PTPRD: variants seen among roughly 807,000 people sequenced by gnomAD.
PTPRD encodes the protein receptor-type tyrosine-protein phosphatase delta.
PTPRD carries 34 observed loss-of-function variants against 214.5 expected under a neutral mutation model. That is an observed-to-expected ratio of 0.16 (90% confidence interval 0.12 to 0.21). The LOEUF is 0.21. PTPRD is among the 10% of genes least tolerant of loss of function. PTPRD has a pLI of 1.00. For missense variants in PTPRD, 2,545 were observed against 2,398.7 expected (o/e 1.06, Z -1.27); for synonymous variants, 1,128 against 845.7 (o/e 1.33, Z -5.79).
At chr9:9,940,498 G>C (rs2091144291) in intron 4 of PTPRD, among the ~76,000 whole-genome samples, 1 of 152,114 alleles carries the variant, frequency 6.6e-6, no homozygotes, top group Non-Finnish European at 1.5e-5. Flanking sequence ...AATTAGATTT[G>C]AGTCCTATCT....
chr9:9,605,751 C>T (rs1022732282), intron 7 of PTPRD, among the ~76,000 whole-genome samples: 1 of 152,010 alleles, frequency 6.6e-6, no homozygotes, highest in African/African-American at 2.4e-5. Flanking sequence ...TTAAAATTTT[C>T]AGTTGTTACA....
At chr9:9,047,182 C>G (rs1456042638) in intron 10 of PTPRD, among the ~76,000 whole-genome samples, 1 of 151,754 alleles carries the variant, frequency 6.6e-6, no homozygotes, top group Non-Finnish European at 1.5e-5. Context: ...AATTAAATAC[C>G]TAGGAATTAA....
At chr9:9,890,661 G>A (rs2072984377) in intron 5 of PTPRD, among the ~76,000 whole-genome samples, 2 of 152,046 alleles carry the variant, frequency 1.3e-5, no homozygotes, top group African/African-American at 4.8e-5. Flanking sequence ...CCAAAACAAT[G>A]TTGCAGAACT....
intron 5 of PTPRD, among the ~76,000 whole-genome samples, chr9:9,919,517 A>C (rs1211127175): frequency 6.6e-6 from 1 of 152,148 alleles, no homozygotes; most frequent in Non-Finnish European, 1.5e-5. Context: ...TAATTATTCA[A>C]ATGAAGTACA....
chr9:10,474,924 C>A (rs780364589), intron 2 of PTPRD, among the ~76,000 whole-genome samples: 11 of 152,072 alleles, frequency 7.2e-5, no homozygotes, highest in Non-Finnish European at 1.2e-4. Context: ...TAATGAAATT[C>A]TTTGAAAGCA....
At chr9:9,403,413 C>CTCTCTTTT (rs1555360173) in intron 8 of PTPRD, among the ~76,000 whole-genome samples, 1 of 30,850 alleles carries the variant, frequency 3.2e-5, no homozygotes, top group South Asian at 9.5e-4. Flanking sequence ...TATATTTTCT[C>CTCTCTTTT]TCTCTCTTTC....
chr9:10,190,461 T>C (rs1464808211), intron 3 of PTPRD, among the ~76,000 whole-genome samples: 2 of 138,196 alleles, frequency 1.4e-5, no homozygotes, highest in African/African-American at 5.3e-5. Flanking sequence ...CTTATGCCTG[T>C]AATCCCAGTA....
chr9:9,359,493 A>G (rs2055169394), intron 9 of PTPRD, among the ~76,000 whole-genome samples: 1 of 151,286 alleles, frequency 6.6e-6, no homozygotes, highest in African/African-American at 2.4e-5. Flanking sequence ...TTGCAAACAC[A>G]TAGCTAAATT....
intron 14 of PTPRD, among the ~76,000 whole-genome samples, chr9:8,548,577 A>G (rs1255752945): frequency 6.7e-6 from 1 of 148,754 alleles, no homozygotes; most frequent in Non-Finnish European, 1.5e-5. Context: ...CATGTTGGCT[A>G]GGCTGTTCTC....
intron 12 of PTPRD, among the ~76,000 whole-genome samples, chr9:8,691,056 G>C (rs2097790179): frequency 6.6e-6 from 1 of 152,052 alleles, no homozygotes; most frequent in Non-Finnish European, 1.5e-5. Flanking sequence ...AGTTCAGAAT[G>C]GAAAACAATT....
At chr9:9,774,505 G>T (rs1484671715) in intron 5 of PTPRD, among the ~76,000 whole-genome samples, 2 of 152,088 alleles carry the variant, frequency 1.3e-5, no homozygotes, top group Non-Finnish European at 2.9e-5. Context: ...GTCCTTACTA[G>T]GAATTGTAGT....
intron 3 of PTPRD, among the ~76,000 whole-genome samples, chr9:10,268,223 C>G (rs1322153): frequency 0.73 from 108,944 of 148,926 alleles, 40,984 homozygotes; most frequent in Non-Finnish European, 0.83. Context: ...CCAGGAGTTG[C>G]AGGCTGCAGT....
chr9:10,209,293 A>C (rs2099503191), intron 3 of PTPRD, among the ~76,000 whole-genome samples: 1 of 152,212 alleles, frequency 6.6e-6, no homozygotes. Context: ...GGTTTATAGC[A>C]AATCTATATA....
chr9:10,170,894 G>C (rs531252439), intron 3 of PTPRD, among the ~76,000 whole-genome samples: 1 of 152,166 alleles, frequency 6.6e-6, no homozygotes, highest in African/African-American at 2.4e-5. Flanking sequence ...TACTAGGACT[G>C]AACACTGATT....
intron 11 of PTPRD, among the ~76,000 whole-genome samples, chr9:8,998,475 T>C (rs112707421): frequency 6.2e-4 from 95 of 152,178 alleles, no homozygotes; most frequent in African/African-American, 2.1e-3. Flanking sequence ...AAGCCCATTG[T>C]TGAGACCTAC....
At chr9:10,391,279 T>A (rs984975799) in intron 2 of PTPRD, among the ~76,000 whole-genome samples, 1 of 151,798 alleles carries the variant, frequency 6.6e-6, no homozygotes, top group Non-Finnish European at 1.5e-5. Flanking sequence ...TTGATTATTT[T>A]TGTGGTTTGG....
At chr9:9,935,477 T>A (rs964234832) in intron 5 of PTPRD, among the ~76,000 whole-genome samples, 3 of 152,170 alleles carry the variant, frequency 2.0e-5, no homozygotes, top group Admixed American at 2.0e-4. Context: ...CCATTCACAA[T>A]TGCTTCAAAG....
chr9:8,715,929 A>G (rs769088870), intron 12 of PTPRD, among the ~76,000 whole-genome samples: 2 of 152,230 alleles, frequency 1.3e-5, no homozygotes, highest in Non-Finnish European at 2.9e-5. Flanking sequence ...TCCTGCTTCT[A>G]CTTAGCTGCT....
intron 44 of PTPRD, among the ~76,000 whole-genome samples, chr9:8,324,261 C>G (rs551130750): frequency 6.6e-6 from 1 of 152,188 alleles, no homozygotes; most frequent in East Asian, 1.9e-4. Flanking sequence ...GGCCCCCACC[C>G]CCTGGCAGGC....
Sources: gnomAD v4.1 joint callset for allele counts (sites outside exome capture counted in the v4.1 genomes callset) on GRCh38, gnomAD v4.1.1 for gene constraint, MANE v1.5 for transcripts, NCBI Gene and HGNC (gene_info 2026-07-23, HGNC 2026-07-21) for gene names.